SGCD: variants seen among roughly 807,000 people sequenced by gnomAD.
The protein encoded by SGCD is sarcoglycan delta, also known as delta-sarcoglycan.
SGCD carries 18 observed loss-of-function variants against 36.6 expected under a neutral mutation model. That is an observed-to-expected ratio of 0.49 (90% CI 0.34 to 0.73). The LOEUF is 0.73. SGCD is among the 30% of genes least tolerant of loss of function. The pLI, the probability that SGCD is intolerant of heterozygous loss-of-function variation, is 0.01. For synonymous variants in SGCD, 133 were observed against 130.6 expected (o/e 1.02, Z -0.12); for missense variants, 387 against 346.7 (o/e 1.12, Z -0.92).
intron 5 of SGCD, among the ~76,000 whole-genome samples, chr5:156,593,887 C>A (rs1341085219): frequency 6.6e-6 from 1 of 152,116 alleles, no homozygotes; most frequent in Non-Finnish European, 1.5e-5. Flanking sequence ...ATCTTCTGAA[C>A]AATTTTGGAA....
chr5:155,985,336 C>T (rs750940760), intron 1 of SGCD, among the ~76,000 whole-genome samples: 4 of 152,072 alleles, frequency 2.6e-5, no homozygotes, highest in African/African-American at 7.2e-5. Context: ...CCAGGGTGTG[C>T]GCTCAGCTCT....
chr5:156,459,131 C>A (rs1458429389), intron 3 of SGCD, among the ~76,000 whole-genome samples: 2 of 151,834 alleles, frequency 1.3e-5, no homozygotes, highest in African/African-American at 2.4e-5. Flanking sequence ...ACTTTTTTGC[C>A]CTTTCTCTTT....
At chr5:156,373,323 T>A (rs1384078004) in intron 3 of SGCD, among the ~76,000 whole-genome samples, 1 of 152,234 alleles carries the variant, frequency 6.6e-6, no homozygotes, top group Non-Finnish European at 1.5e-5. Context: ...TATTTTTGTA[T>A]ATGTCTTCAG....
At chr5:156,691,206 CA>C (rs58947494) in intron 7 of SGCD, among the ~76,000 whole-genome samples, 50 of 61,856 alleles carry the variant, frequency 8.1e-4, no homozygotes, top group Non-Finnish European at 1.3e-3. Context: ...GACTCTGTCT[CA>C]AAAAAAAAAA....
chr5:155,778,076 T>G, the SGCD span, among the ~76,000 whole-genome samples: 2 of 152,218 alleles, frequency 1.3e-5, no homozygotes, highest in African/African-American at 4.8e-5. Flanking sequence ...CTTCTTGGCA[T>G]TTTTTGAAAC....
chr5:156,200,851 A>G (rs1268917370), intron 3 of SGCD, among the ~76,000 whole-genome samples: 1 of 152,204 alleles, frequency 6.6e-6, no homozygotes, highest in African/African-American at 2.4e-5. Flanking sequence ...ATGTCCATCG[A>G]CAGATGAATA....
At chr5:156,275,457 A>C (rs6865821) in intron 3 of SGCD, among the ~76,000 whole-genome samples, 63,812 of 152,042 alleles carry the variant, frequency 0.42, 14,673 homozygotes, top group African/African-American at 0.59. Flanking sequence ...CATAGAAACA[A>C]CATAAAATAA....
At chr5:156,647,634 C>T (rs574766030) in intron 7 of SGCD, 98 bp downstream of exon 7, 31 of 733,472 alleles carry the variant, frequency 4.2e-5, no homozygotes, top group Admixed American at 8.0e-5. Flanking sequence ...AGTGTCACAG[C>T]GTGAATACAT....
At chr5:156,401,923 A>G (rs1369540200) in intron 3 of SGCD, among the ~76,000 whole-genome samples, 2 of 151,882 alleles carry the variant, frequency 1.3e-5, no homozygotes, top group African/African-American at 4.9e-5. Context: ...TTCCCATTAC[A>G]TAATAACTCC....
At chr5:156,127,810 C>A (rs191717269) in intron 3 of SGCD, among the ~76,000 whole-genome samples, 312 of 108,418 alleles carry the variant, frequency 2.9e-3, no homozygotes, top group Non-Finnish European at 3.8e-3. Context: ...TTATACCATA[C>A]ACAAAAATCA....
At chr5:156,494,932 T>G (rs1378651486) in intron 3 of SGCD, among the ~76,000 whole-genome samples, 1 of 152,144 alleles carries the variant, frequency 6.6e-6, no homozygotes, top group Non-Finnish European at 1.5e-5. Flanking sequence ...CCTCCAGTCT[T>G]AAGTATATCC....
chr5:156,192,412 C>G (rs1045362659), intron 3 of SGCD, among the ~76,000 whole-genome samples: 6 of 151,860 alleles, frequency 4.0e-5, no homozygotes, highest in Non-Finnish European at 8.8e-5. Context: ...TATGTGAGAG[C>G]TAAAAAAGTT....
At chr5:156,105,935 AC>A (rs1352991507) in intron 1 of SGCD, among the ~76,000 whole-genome samples, 1 of 150,930 alleles carries the variant, frequency 6.6e-6, no homozygotes, top group Non-Finnish European at 1.5e-5. Flanking sequence ...AGATGGTGAA[AC>A]CCCGTCTCTA....
rs761454145 is a variant in SGCD, at chr5:156,340,163, T to C, written c.4-4326T>C. ...AAAACACATATGGAACATTTATGATTATATATGCCAAATTCAATGTACAAT... is the reference window on the plus strand; with the variant it reads ...AAAACACATATGGAACATTTATGATCATATATGCCAAATTCAATGTACAAT... On this transcript the variant is annotated intron_variant, in intron 2 of 8. Coordinates refer to ENST00000337851, the MANE Select transcript of SGCD (RefSeq NM_000337.6). Among the ~76,000 whole-genome samples, 49 of 152,364 alleles carry C rather than the reference T, an allele frequency of 3.2e-4. 2 individuals carry two copies. Among genetic ancestry groups the C allele is most frequent in the Admixed American group, 2.6e-4 (4 of 15,308 alleles).
At chr5:156,650,145 G>A (rs1391834324) in intron 7 of SGCD, among the ~76,000 whole-genome samples, 1 of 152,124 alleles carries the variant, frequency 6.6e-6, no homozygotes, top group Non-Finnish European at 1.5e-5. Context: ...CATAATCGTA[G>A]TGTTTGTTAC....
At chr5:156,103,888 A>G (rs1027247918) in intron 1 of SGCD, among the ~76,000 whole-genome samples, 21 of 152,142 alleles carry the variant, frequency 1.4e-4, no homozygotes, top group Non-Finnish European at 2.5e-4. Flanking sequence ...TTTGCTTTTC[A>G]TTACATATTA....
intron 7 of SGCD, among the ~76,000 whole-genome samples, chr5:156,737,658 G>A (rs923994477): frequency 1.3e-5 from 2 of 152,098 alleles, no homozygotes; most frequent in Non-Finnish European, 2.9e-5. Flanking sequence ...CTGAAGGCTA[G>A]CATGGGGGAT....
chr5:156,581,483 A>C (rs369334288), intron 4 of SGCD, among the ~76,000 whole-genome samples: 85 of 152,306 alleles, frequency 5.6e-4, no homozygotes, highest in African/African-American at 2.0e-3. Context: ...TAAGTCTGCA[A>C]AAGTTTCTGC....
At chr5:155,875,220 C>T (rs934237940) in intron 1 of SGCD, among the ~76,000 whole-genome samples, 2 of 152,080 alleles carry the variant, frequency 1.3e-5, no homozygotes, top group Non-Finnish European at 2.9e-5. Flanking sequence ...CCCATAGTAA[C>T]ATGTCATGTC....
Sources: allele counts gnomAD v4.1 joint callset (sites outside exome capture counted in the v4.1 genomes callset), GRCh38; gene constraint gnomAD v4.1.1; transcripts MANE v1.5; gene names NCBI Gene and HGNC (gene_info 2026-07-23, HGNC 2026-07-21).